The following POGLUT1 variants were observed in gnomAD, a reference collection of about 807,000 sequenced individuals.
POGLUT1 encodes the protein 9630046K23Rik.
POGLUT1 carries 32 observed loss-of-function variants against 61.3 expected under a neutral mutation model. That is an observed-to-expected ratio of 0.52 (90% confidence interval 0.39 to 0.70). The LOEUF (loss-of-function observed/expected upper bound fraction) is 0.70. Among genes scored for constraint, POGLUT1 ranks in the 30% least tolerant of loss-of-function variants. The pLI is 0.00. For synonymous variants in POGLUT1, 158 were observed against 158.2 expected, an observed-to-expected ratio of 1.00 and a Z score of 0.01; for missense variants, 411 against 469.8, an observed-to-expected ratio of 0.87 and a Z score of 1.16.
At chr3:119,485,990 A>G (rs2081659631) in intron 6 of POGLUT1, among the ~76,000 whole-genome samples, 1 of 152,246 alleles carries the variant, frequency 6.6e-6, no homozygotes, top group South Asian at 2.1e-4. Context: ...ATGAATAGAA[A>G]AGACCATGAA....
In POGLUT1 at chr3:119,488,835, G is replaced by A. The variant is rs574539727; in HGVS notation, c.739-94G>A. On this transcript the variant is annotated intron_variant, in intron 7 of 10. Transcript: ENST00000295588. The stretch of plus-strand genomic sequence containing the variant: ...ATATTGATTATGAAGCTTAAATGAG[G>A]TAATGTTGATGAAATGTTTAACAAT... 4.5e-6 allele frequency: 3 copies of A among 659,352 alleles called. No homozygotes were observed. In the African/African-American group the frequency reaches 5.3e-5, roughly 12 times the overall value. The allele number at this position is 659,352 out of a possible 1,614,324, so 40.8% of individuals were successfully genotyped here.
chr3:119,480,045 T>A lies in POGLUT1; in HGVS notation c.457-6T>A. ...ATTTAGGACGACCTGTCTGTTTTTG[T>A]TGAAGACATCAGAGTACCATGATAT... is the stretch of plus-strand genomic sequence containing the variant. On this transcript the variant is annotated splice_region_variant and splice_polypyrimidine_tract_variant and intron_variant, in intron 4 of 10. Coordinates refer to ENST00000295588, the MANE Select transcript of POGLUT1 (RefSeq NM_152305.3). The A allele has an allele frequency of 1.2e-6, 2 of 1,613,336 alleles. No homozygotes were observed. Among genetic ancestry groups the A allele is most frequent in the East Asian group, 2.2e-5 (1 of 44,844 alleles).
chr3:119,487,488 G>C (rs2081679572), intron 7 of POGLUT1, among the ~76,000 whole-genome samples: 1 of 152,170 alleles, frequency 6.6e-6, no homozygotes. Flanking sequence ...TGGGGAGGCT[G>C]AGGCAGGAGA....
rs375450836 is a variant in POGLUT1 at position 119,486,920 on chromosome 3, G to C, written c.726G>C (p.Trp242Cys). Residue 242 changes from tryptophan to cysteine, a missense_variant, in exon 7 of 11, where the codon TGG becomes TGC. Transcript: ENST00000295588. Reference sequence around the variant, plus strand: ...CAGAATACACCAAAAACCAGGCCTGGAAATCTATGAAAGTAATCACCAGTC... The same window carrying C: ...CAGAATACACCAAAAACCAGGCCTGCAAATCTATGAAAGTAATCACCAGTC... ...VDAEYTKNQA[W>C]KSMKDTLGKP... 2 of 1,608,166 alleles carry C rather than the reference G, an allele frequency of 1.2e-6. No homozygotes were observed. The highest frequency in any genetic ancestry group is 1.7e-6 in the Non-Finnish European group (2 of 1,174,674).
intron 6 of POGLUT1, among the ~76,000 whole-genome samples, chr3:119,486,086 A>C (rs2081660627): frequency 6.6e-6 from 1 of 152,184 alleles, no homozygotes; most frequent in South Asian, 2.1e-4. Flanking sequence ...TCGGAGCTAG[A>C]CTTTAGGAGG....
intron 5 of POGLUT1, among the ~76,000 whole-genome samples, chr3:119,484,816 A>G (rs748917002): frequency 3.9e-5 from 6 of 152,194 alleles, no homozygotes; most frequent in Non-Finnish European, 8.8e-5. Flanking sequence ...GTAGATTTGT[A>G]GATACAACTG....
intron 4 of POGLUT1, 45 bp from the exon 5 acceptor site, chr3:119,480,006 C>T: frequency 1.9e-6 from 3 of 1,610,096 alleles, no homozygotes; most frequent in South Asian, 1.1e-5. Context: ...CCTCTTTTCA[C>T]TGTTCCAAGA....
At chr3:119,479,924 T>C (rs1333895605) in intron 4 of POGLUT1, 127 bp from the exon 5 acceptor site, 6 of 1,547,062 alleles carry the variant, frequency 3.9e-6, no homozygotes, top group Non-Finnish European at 4.4e-6. Flanking sequence ...CTTTGGAAAA[T>C]AGGGAAAATA....
intron 3 of POGLUT1, among the ~76,000 whole-genome samples, chr3:119,474,299 T>C (rs943607114): frequency 4.6e-5 from 7 of 152,146 alleles, no homozygotes; most frequent in Non-Finnish European, 1.0e-4. Flanking sequence ...TTATTATTTA[T>C]CAATTAAAAA....
At chr3:119,487,108 C>T in intron 7 of POGLUT1, 176 bp downstream of exon 7, 2 of 600,174 alleles carry the variant, frequency 3.3e-6, no homozygotes, top group Admixed American at 2.9e-5. Context: ...ACTTACATTG[C>T]TTTTCTGGCC....
At chr3:119,475,276 A>G (rs781036808) in intron 3 of POGLUT1, among the ~76,000 whole-genome samples, 12 of 152,214 alleles carry the variant, frequency 7.9e-5, no homozygotes, top group Non-Finnish European at 1.5e-4. Flanking sequence ...AGATTGTTCC[A>G]TAAGAGTCCA....
intron 5 of POGLUT1, 76 bp from the exon 6 acceptor site, chr3:119,485,252 C>T (rs2081651853): frequency 1.1e-6 from 1 of 918,326 alleles, no homozygotes; most frequent in Non-Finnish European, 1.7e-6. Context: ...CTGAACTAAT[C>T]TTCAGAAATG....
chr3:119,483,164 C>T (rs1475239436), intron 5 of POGLUT1, among the ~76,000 whole-genome samples: 1 of 152,204 alleles, frequency 6.6e-6, no homozygotes, highest in African/African-American at 2.4e-5. Context: ...CTAGCTGTTT[C>T]ATGTCTAGAA....
intron 9 of POGLUT1, among the ~76,000 whole-genome samples, 184 bp from the exon 10 acceptor site, chr3:119,491,334 T>A (rs1360018491): frequency 6.7e-6 from 1 of 150,186 alleles, no homozygotes; most frequent in Non-Finnish European, 1.5e-5. Context: ...CTTTAATCAG[T>A]GTGTGGGGGT....
At chr3:119,471,237 G>A in intron 2 of POGLUT1, 72 bp from the exon 3 acceptor site, 2 of 1,396,974 alleles carry the variant, frequency 1.4e-6, no homozygotes, top group Non-Finnish European at 2.0e-6. Context: ...AAACCTAAAT[G>A]CACTTAGGAA....
chr3:119,480,278 C>T (rs1185037231), intron 5 of POGLUT1, 106 bp downstream of exon 5: 19 of 932,488 alleles, frequency 2.0e-5, no homozygotes, highest in South Asian at 8.2e-5. Flanking sequence ...GACGGAGTTT[C>T]GCCCTTTTTG....
Position 119,490,701 on chromosome 3 carries a change from A to G in POGLUT1, c.948A>G (p.Thr316=). The G allele has an allele frequency of 1.9e-6, 3 of 1,614,078 alleles. No individual in the cohort carries two copies. The highest frequency in any genetic ancestry group is 1.3e-5 in the African/African-American group (1 of 75,048). The change falls in exon 9 of 11, where the codon ACA becomes ACG. Residue 316 remains threonine, a synonymous_variant. Coordinates refer to ENST00000295588, the MANE Select transcript of POGLUT1 (RefSeq NM_152305.3). Reference sequence around the variant, plus strand: ...GGGTTCACTATATCCCAGTCAAAACAGATCTCTCCAATGTCCAGTAAGCAG... The same window carrying G: ...GGGTTCACTATATCCCAGTCAAAACGGATCTCTCCAATGTCCAGTAAGCAG... The part of the protein sequence containing the change: ...KPWVHYIPVK[T]DLSNVQELLQ...
intron 10 of POGLUT1, among the ~76,000 whole-genome samples, chr3:119,491,775 C>T (rs980394081): frequency 6.6e-6 from 1 of 152,174 alleles, no homozygotes; most frequent in African/African-American, 2.4e-5. Context: ...AAAAGATGGG[C>T]CGGGCGTGGT....
chr3:119,483,564 T>C (rs1270994408), intron 5 of POGLUT1, among the ~76,000 whole-genome samples: 3 of 152,214 alleles, frequency 2.0e-5, no homozygotes, highest in Non-Finnish European at 4.4e-5. Flanking sequence ...GTCTGTAACA[T>C]AGTGAAGTGC....
Sources: allele counts gnomAD v4.1 joint callset (sites outside exome capture counted in the v4.1 genomes callset), GRCh38; gene constraint gnomAD v4.1.1; transcripts MANE v1.5; gene names NCBI Gene and HGNC (gene_info 2026-07-23, HGNC 2026-07-21).